Variants in CAMK2D observed in about 807,000 individuals in gnomAD.
CAMK2D encodes the protein calcium/calmodulin-dependent protein kinase type II subunit delta.
A neutral mutation model predicts 84.0 loss-of-function variants in CAMK2D; 37 were observed. The observed-to-expected ratio is 0.44, with a 90% CI of 0.34 to 0.58. The LOEUF is 0.58. Ranked by LOEUF, CAMK2D falls within the 20% of genes least tolerant of loss-of-function variation. The pLI is 0.02. For synonymous variants in CAMK2D, 202 were observed against 212.5 expected (o/e 0.95, Z 0.43); for missense variants, 448 against 652.5 (o/e 0.69, Z 3.41).
At chr4:113,553,705 A>G (rs909997871) in intron 4 of CAMK2D, among the ~76,000 whole-genome samples, 1 of 152,212 alleles carries the variant, frequency 6.6e-6, no homozygotes, top group Non-Finnish European at 1.5e-5. Context: ...ACCTAAGATT[A>G]TCATATAAAT....
At chr4:113,577,850 T>C (rs1312537661) in intron 4 of CAMK2D, among the ~76,000 whole-genome samples, 1 of 152,136 alleles carries the variant, frequency 6.6e-6, no homozygotes, top group East Asian at 1.9e-4. Context: ...GTTTGGACAT[T>C]TCAGACAAGA....
At chr4:113,581,080 A>G (rs1407299543) in intron 4 of CAMK2D, among the ~76,000 whole-genome samples, 2 of 152,208 alleles carry the variant, frequency 1.3e-5, no homozygotes, top group African/African-American at 2.4e-5. Flanking sequence ...AAATAAAAAC[A>G]AAAATAAAAA....
chr4:113,509,185 C>T (rs904777025), intron 13 of CAMK2D, among the ~76,000 whole-genome samples: 6 of 152,236 alleles, frequency 3.9e-5, no homozygotes, highest in South Asian at 4.1e-4. Context: ...AAAAACTGCC[C>T]AAGCAGATTA....
At chr4:113,495,909 C>T (rs1335842414) in intron 16 of CAMK2D, among the ~76,000 whole-genome samples, 1 of 152,112 alleles carries the variant, frequency 6.6e-6, no homozygotes, top group African/African-American at 2.4e-5. Context: ...CAAGGGCATA[C>T]AGGAGCCCAA....
chr4:113,469,767 T>C (rs573863944), intron 16 of CAMK2D, among the ~76,000 whole-genome samples: 1 of 152,310 alleles, frequency 6.6e-6, no homozygotes, highest in Non-Finnish European at 1.5e-5. Context: ...CTCAGTTGCA[T>C]AAGCCAGAAA....
intron 3 of CAMK2D, among the ~76,000 whole-genome samples, chr4:113,658,755 G>T (rs1188572399): frequency 3.3e-5 from 5 of 152,100 alleles, no homozygotes; most frequent in African/African-American, 1.2e-4. Flanking sequence ...TACAATTTTT[G>T]AGATTATGTC....
intron 2 of CAMK2D, 22 bp from the exon 3 acceptor site, chr4:113,661,794 T>C: frequency 7.6e-7 from 1 of 1,323,968 alleles, no homozygotes. Flanking sequence ...AAAAACAGAA[T>C]AAGGCAAAAA....
chr4:113,739,922 C>G (rs2099589023), intron 2 of CAMK2D, among the ~76,000 whole-genome samples: 1 of 152,024 alleles, frequency 6.6e-6, no homozygotes, highest in Non-Finnish European at 1.5e-5. Context: ...ACCCAATAAG[C>G]AGTTTTTTAG....
intron 2 of CAMK2D, among the ~76,000 whole-genome samples, chr4:113,716,812 A>ATGTTT: frequency 6.6e-6 from 1 of 152,320 alleles, no homozygotes; most frequent in East Asian, 1.9e-4. Context: ...AATGAGCAGA[A>ATGTTT]TGTTTAGCTT....
chr4:113,469,242 G>T (rs2097517132), intron 16 of CAMK2D, among the ~76,000 whole-genome samples: 1 of 152,078 alleles, frequency 6.6e-6, no homozygotes. Context: ...ATTAGATTTG[G>T]TTACTATAAC....
intron 17 of CAMK2D, among the ~76,000 whole-genome samples, chr4:113,463,567 G>T (rs1254583456): frequency 6.6e-6 from 1 of 152,042 alleles, no homozygotes; most frequent in East Asian, 1.9e-4. Flanking sequence ...GTAGAGATGG[G>T]GTTTCTCCAT....
chr4:113,483,451 G>T (rs1297101507), intron 16 of CAMK2D, among the ~76,000 whole-genome samples: 1 of 151,762 alleles, frequency 6.6e-6, no homozygotes, highest in Non-Finnish European at 1.5e-5. Flanking sequence ...TGTCGCGCAG[G>T]CTGGAGTGCA....
chr4:113,651,421 C>T (rs537306862), intron 3 of CAMK2D, among the ~76,000 whole-genome samples: 138 of 152,256 alleles, frequency 9.1e-4, no homozygotes, highest in African/African-American at 3.2e-3. Context: ...ACCTTTTCTA[C>T]TGTGGCAAAT....
At chr4:113,597,292 C>A (rs772366557) in intron 4 of CAMK2D, among the ~76,000 whole-genome samples, 6 of 152,332 alleles carry the variant, frequency 3.9e-5, no homozygotes, top group African/African-American at 7.2e-5. Flanking sequence ...ATTGTTCCAT[C>A]TACATTGAAA....
At chr4:113,549,347 AGT>A (rs1320185809) in intron 5 of CAMK2D, among the ~76,000 whole-genome samples, 1 of 152,234 alleles carries the variant, frequency 6.6e-6, no homozygotes, top group Admixed American at 6.5e-5. Flanking sequence ...ACCCCTCTTT[AGT>A]GTAAGAATAC....
At chr4:113,669,985 T>C (rs1316904701) in intron 2 of CAMK2D, among the ~76,000 whole-genome samples, 1 of 152,134 alleles carries the variant, frequency 6.6e-6, no homozygotes. Flanking sequence ...AACAGTACCA[T>C]TTAAAACTAT....
At chr4:113,744,514 T>C (rs1374141824) in intron 2 of CAMK2D, among the ~76,000 whole-genome samples, 1 of 152,140 alleles carries the variant, frequency 6.6e-6, no homozygotes, top group East Asian at 1.9e-4. Flanking sequence ...CCATTTATCC[T>C]AAACTAGCCC....
intron 10 of CAMK2D, among the ~76,000 whole-genome samples, chr4:113,514,513 G>A (rs1425123211): frequency 6.6e-6 from 1 of 152,112 alleles, no homozygotes; most frequent in Non-Finnish European, 1.5e-5. Context: ...TGATTGAGCT[G>A]CCTTTCATTT....
At chr4:113,576,259 T>C (rs1363040510) in intron 4 of CAMK2D, among the ~76,000 whole-genome samples, 2 of 152,282 alleles carry the variant, frequency 1.3e-5, no homozygotes, top group Admixed American at 6.5e-5. Flanking sequence ...AAAATCTACA[T>C]TCACAGATCT....
Sources: allele counts gnomAD v4.1 joint callset (sites outside exome capture counted in the v4.1 genomes callset), GRCh38; gene constraint gnomAD v4.1.1; transcripts MANE v1.5; gene names NCBI Gene and HGNC (gene_info 2026-07-23, HGNC 2026-07-21).